ZNF251: variants seen among roughly 807,000 people sequenced by gnomAD.
ZNF251 encodes the protein zinc finger protein 251.
A neutral mutation model predicts 13.5 loss-of-function variants in ZNF251; 14 were observed. The ratio of observed to expected loss-of-function variants is 1.04; its 90% CI spans 0.69 to 1.63. The LOEUF is 1.63. ZNF251 is among the 40% of genes most tolerant of loss of function. The pLI, the probability that ZNF251 is intolerant of heterozygous loss-of-function variation, is 0.00. For missense variants in ZNF251, 764 were observed against 834.9 expected, an observed-to-expected ratio of 0.92 and a Z score of 1.05; for synonymous variants, 287 against 295.2, an observed-to-expected ratio of 0.97 and a Z score of 0.28.
chr8:144,732,080 C>T (rs191118811), intron 4 of ZNF251, among the ~76,000 whole-genome samples: 57 of 150,902 alleles, frequency 3.8e-4, no homozygotes, highest in African/African-American at 1.4e-3. Flanking sequence ...GTAGCTGGGA[C>T]TACAGGCATG....
At chr8:144,739,919 T>C (rs1015148127) in intron 4 of ZNF251, among the ~76,000 whole-genome samples, 1 of 151,956 alleles carries the variant, frequency 6.6e-6, no homozygotes, top group Admixed American at 6.6e-5. Context: ...CATTTCATTA[T>C]CTGGTCCCAG....
chr8:144,738,154 A>G (rs1207445544), intron 4 of ZNF251, among the ~76,000 whole-genome samples: 3 of 152,134 alleles, frequency 2.0e-5, no homozygotes, highest in African/African-American at 7.2e-5. Context: ...CAGGCGGCCC[A>G]GCACACCATG....
At chr8:144,753,638 G>A in intron 4 of ZNF251, 45 bp downstream of exon 4, 1 of 1,489,582 alleles carries the variant, frequency 6.7e-7, no homozygotes, top group Non-Finnish European at 9.1e-7. Flanking sequence ...TCTTAAGGCA[G>A]GATTGGGAGG....
In ZNF251 at chr8:144,755,387, G is replaced by C. The variant is rs765344691; in HGVS notation, c.-76+18C>G. ...GCCTGCCCGCTTGGCGCTCCTTCCT[G>C]GTCCGACACTGCCCCACCTGTTTGC... On this transcript the variant is annotated intron_variant, in intron 1 of 4. Coordinates refer to ENST00000292562, the MANE Select transcript of ZNF251 (RefSeq NM_138367.2). 1 of 1,287,942 alleles carries C rather than the reference G, an allele frequency of 7.8e-7. No homozygotes were observed. The highest frequency in any genetic ancestry group is 1.5e-5 in the African/African-American group (1 of 65,706). The allele number at this position is 1,287,942 out of a possible 1,614,324, so 79.8% of individuals were successfully genotyped here.
chr8:144,727,442 T>C (rs1357021697), intron 4 of ZNF251, among the ~76,000 whole-genome samples: 1 of 152,236 alleles, frequency 6.6e-6, no homozygotes, highest in Non-Finnish European at 1.5e-5. Context: ...GCCACCTTCA[T>C]CAATCATCTT....
intron 4 of ZNF251, among the ~76,000 whole-genome samples, chr8:144,745,466 T>C (rs569536337): frequency 7.4e-4 from 112 of 152,316 alleles, no homozygotes; most frequent in African/African-American, 2.5e-3. Context: ...TCTTTCAATA[T>C]TGAGTTGACT....
intron 1 of ZNF251, 139 bp from the exon 2 acceptor site, chr8:144,754,942 A>G: frequency 1.4e-6 from 2 of 1,418,274 alleles, no homozygotes; most frequent in Non-Finnish European, 1.8e-6. Flanking sequence ...GACGTGCCCT[A>G]CTGCTCAGTG....
At position 144,734,185 on chromosome 8, in the gene ZNF251, G is replaced by A. The variant is rs951512549; in HGVS notation, c.278-10803C>T. On this transcript the variant is annotated intron_variant, in intron 4 of 4. Coordinates refer to ENST00000292562, the MANE Select transcript of ZNF251 (RefSeq NM_138367.2). The surrounding 1 kb of genome is among the most constrained non-coding windows in gnomAD (Gnocchi z 4.4). ...TGGTGTTTTCCTTTGTCCCAGCGCT[G>A]AGCCGAGCGGAGCTCCTGGCTGTAA... Among the ~76,000 whole-genome samples, 1 of 152,196 alleles carries A rather than the reference G, an allele frequency of 6.6e-6. No homozygotes were observed. The highest frequency in any genetic ancestry group is 1.5e-5 in the Non-Finnish European group (1 of 68,036).
intron 4 of ZNF251, among the ~76,000 whole-genome samples, chr8:144,733,466 C>G (rs562197489): frequency 6.6e-6 from 1 of 152,334 alleles, no homozygotes; most frequent in South Asian, 2.1e-4. Flanking sequence ...ATGAGGCCTC[C>G]GGCAGCGGCC....
intron 4 of ZNF251, among the ~76,000 whole-genome samples, chr8:144,738,195 G>A (rs535920296): frequency 3.9e-5 from 6 of 152,142 alleles, no homozygotes; most frequent in Non-Finnish European, 8.8e-5. Flanking sequence ...ACTCTTGCAT[G>A]GAAGCTCTGG....
chr8:144,746,389 G>A (rs1824430919), intron 4 of ZNF251, among the ~76,000 whole-genome samples: 1 of 152,138 alleles, frequency 6.6e-6, no homozygotes, highest in African/African-American at 2.4e-5. Context: ...GATTTGATTT[G>A]CTAATATTTT....
At chr8:144,738,830 A>T (rs1824021944) in intron 4 of ZNF251, 1 of 985,082 alleles carries the variant, frequency 1.0e-6, no homozygotes, top group Admixed American at 6.2e-5. Flanking sequence ...TGGAAACAGG[A>T]TGGTTTTCTT....
chr8:144,731,148 T>C lies in ZNF251; in HGVS notation c.278-7766A>G, dbSNP rs190734256. Among the ~76,000 whole-genome samples, 450 of 152,326 alleles carry C rather than the reference T, an allele frequency of 3.0e-3. 2 individuals carry two copies. The highest frequency in any genetic ancestry group is 1.8e-3 in the Non-Finnish European group (125 of 68,032). The stretch of plus-strand genomic sequence containing the variant: ...TCCACGGGATGCCTGGGCCATGAGC[T>C]AAGGCCACCTTGCTTCCTGGTCTAA... On this transcript the variant is annotated intron_variant, in intron 4 of 4. Coordinates refer to ENST00000292562, the MANE Select transcript of ZNF251 (RefSeq NM_138367.2).
intron 4 of ZNF251, among the ~76,000 whole-genome samples, chr8:144,752,759 A>G (rs970991341): frequency 6.6e-6 from 1 of 152,228 alleles, no homozygotes; most frequent in Non-Finnish European, 1.5e-5. Flanking sequence ...TTAACTGGAG[A>G]TATAAGCCAG....
At chr8:144,727,254 T>G (rs1823546688) in intron 4 of ZNF251, among the ~76,000 whole-genome samples, 1 of 152,208 alleles carries the variant, frequency 6.6e-6, no homozygotes, top group Non-Finnish European at 1.5e-5. Context: ...TGGGTCTGAT[T>G]TGTAAACATT....
chr8:144,722,735 T>C lies in ZNF251; in HGVS notation c.925A>G (p.Ile309Val), dbSNP rs1823407878. The C allele has an allele frequency of 6.2e-7, 1 of 1,613,960 alleles. No homozygotes were observed. The highest frequency in any genetic ancestry group is 1.1e-5 in the South Asian group (1 of 91,084). Residue 309 changes from isoleucine (I) to valine (V), a missense_variant, in exon 5 of 5, where the codon ATT (isoleucine) becomes GTT (valine). Transcript: ENST00000292562. This position sits in a 1 kb window ranked among gnomAD's most constrained non-coding sequence, Gnocchi z 4.8. Reference protein sequence around the residue: ...GKAFSRSSTLIQHRIIHTGEK... With the variant: ...GKAFSRSSTLVQHRIIHTGEK... ...CCTGTGTGAATGATCCGATGTTGAA[T>C]AAGAGTTGAGCTTCGACTGAAAGCC... is the stretch of plus-strand genomic sequence containing the variant.
intron 3 of ZNF251, among the ~76,000 whole-genome samples, 190 bp downstream of exon 3, chr8:144,754,002 G>A (rs1424071561): frequency 2.6e-5 from 4 of 152,174 alleles, no homozygotes; most frequent in African/African-American, 7.2e-5. Flanking sequence ...CTGGCAACAG[G>A]GAGTGAAGTC....
At chr8:144,737,640 G>A (rs1823958610) in intron 4 of ZNF251, among the ~76,000 whole-genome samples, 1 of 151,884 alleles carries the variant, frequency 6.6e-6, no homozygotes, top group Admixed American at 6.6e-5. Context: ...AGACCATCCT[G>A]GCTAACACGG....
chr8:144,743,057 ATTTATT>A (rs1824241817), intron 4 of ZNF251, among the ~76,000 whole-genome samples: 1 of 151,980 alleles, frequency 6.6e-6, no homozygotes, highest in African/African-American at 2.4e-5. Context: ...TTCGTAGCTC[ATTTATT>A]TTTATTTATT....
Sources: gnomAD v4.1 joint callset for allele counts (sites outside exome capture counted in the v4.1 genomes callset) on GRCh38, gnomAD v4.1.1 for gene constraint, Gnocchi (gnomAD v3.1) non-coding constraint, MANE v1.5 for transcripts, NCBI Gene and HGNC (gene_info 2026-07-23, HGNC 2026-07-21) for gene names.